Variants in IMMP2L observed in about 807,000 individuals in gnomAD.
The protein encoded by IMMP2L is inner mitochondrial membrane peptidase subunit 2.
IMMP2L carries 18 observed loss-of-function variants against 19.3 expected under a neutral mutation model. That is an observed-to-expected ratio of 0.93 (90% CI 0.64 to 1.38). The LOEUF is 1.38. IMMP2L is among the 40% of genes most tolerant of loss of function. The pLI, the probability that IMMP2L is intolerant of heterozygous loss-of-function variation, is 0.00. For synonymous variants in IMMP2L, 76 were observed against 73.0 expected, an observed-to-expected ratio of 1.04 and a Z score of -0.21; for missense variants, 233 against 218.2, an observed-to-expected ratio of 1.07 and a Z score of -0.43.
At chr7:111,242,898 C>A (rs1175644030) in intron 3 of IMMP2L, among the ~76,000 whole-genome samples, 1 of 152,024 alleles carries the variant, frequency 6.6e-6, no homozygotes, top group Non-Finnish European at 1.5e-5. Flanking sequence ...TATTTAGAAA[C>A]AATTATTGTC....
At chr7:111,436,853 A>G (rs970414212) in intron 3 of IMMP2L, among the ~76,000 whole-genome samples, 2 of 151,862 alleles carry the variant, frequency 1.3e-5, no homozygotes, top group Non-Finnish European at 2.9e-5. Flanking sequence ...GGAAGTTTCC[A>G]GTCATGGCAG....
At chr7:111,403,925 T>C (rs910668894) in intron 3 of IMMP2L, among the ~76,000 whole-genome samples, 1 of 152,108 alleles carries the variant, frequency 6.6e-6, no homozygotes, top group African/African-American at 2.4e-5. Context: ...AAGGTTTGTG[T>C]TTATTTTTCT....
chr7:111,387,137 A>G (rs1046658657), intron 3 of IMMP2L, among the ~76,000 whole-genome samples: 3 of 152,176 alleles, frequency 2.0e-5, no homozygotes, highest in Admixed American at 1.3e-4. Context: ...TACTGTTTTC[A>G]AAAATGATGA....
chr7:110,717,708 T>C (rs186593424), intron 5 of IMMP2L, among the ~76,000 whole-genome samples: 1 of 152,284 alleles, frequency 6.6e-6, no homozygotes, highest in East Asian at 1.9e-4. Flanking sequence ...TGTCCTTGGA[T>C]TAGGCAATTA....
At chr7:110,853,985 CA>C (rs746124804) in intron 5 of IMMP2L, among the ~76,000 whole-genome samples, 4 of 151,844 alleles carry the variant, frequency 2.6e-5, no homozygotes, top group Non-Finnish European at 5.9e-5. Context: ...TCAATTTAGA[CA>C]GAATCATTTT....
intron 3 of IMMP2L, among the ~76,000 whole-genome samples, chr7:111,287,841 C>T (rs1820665807): frequency 6.6e-6 from 1 of 152,154 alleles, no homozygotes; most frequent in African/African-American, 2.4e-5. Context: ...GGACTCCCTT[C>T]TGCATGATGG....
At chr7:110,767,612 A>C (rs1044030793) in intron 5 of IMMP2L, among the ~76,000 whole-genome samples, 1 of 152,164 alleles carries the variant, frequency 6.6e-6, no homozygotes, top group Admixed American at 6.6e-5. Context: ...TCTCTATCTT[A>C]TGCCTATCAA....
rs527936557 is a variant in IMMP2L, at chr7:111,211,062, T to G, written c.240-247497A>C. On this transcript the variant is annotated intron_variant, in intron 3 of 5. Transcript: ENST00000405709. ...TACCAAGTCATTTAATAAATATGTA[T>G]TGAGTCAGTATATAAAACTTTGTGA... 3.3e-5 allele frequency among the ~76,000 whole-genome samples: 5 copies of G among 152,292 alleles called. No homozygotes were observed. The East Asian group carries it at 7.7e-4, about 23-fold the overall frequency.
At chr7:111,251,070 C>T (rs1043472955) in intron 3 of IMMP2L, among the ~76,000 whole-genome samples, 1 of 152,042 alleles carries the variant, frequency 6.6e-6, no homozygotes, top group Non-Finnish European at 1.5e-5. Context: ...CAAACAACCC[C>T]ATTTAAAAGT....
At chr7:111,297,543 C>A (rs1715120746) in intron 3 of IMMP2L, among the ~76,000 whole-genome samples, 1 of 152,056 alleles carries the variant, frequency 6.6e-6, no homozygotes, top group African/African-American at 2.4e-5. Flanking sequence ...TCACAAGACT[C>A]AGGAATTCCA....
At chr7:110,942,034 T>C (rs866758463) in intron 4 of IMMP2L, among the ~76,000 whole-genome samples, 73 of 152,126 alleles carry the variant, frequency 4.8e-4, no homozygotes, top group African/African-American at 1.6e-3. Flanking sequence ...TTGTCAGTTT[T>C]GTTTTAGTGT....
intron 3 of IMMP2L, among the ~76,000 whole-genome samples, chr7:111,370,332 A>G (rs1039003065): frequency 6.6e-6 from 1 of 151,972 alleles, no homozygotes; most frequent in Non-Finnish European, 1.5e-5. Context: ...ATAGTAAATT[A>G]GAGAAATTCC....
intron 4 of IMMP2L, among the ~76,000 whole-genome samples, chr7:110,947,148 T>C (rs1316686731): frequency 6.6e-6 from 1 of 152,204 alleles, no homozygotes; most frequent in Non-Finnish European, 1.5e-5. Flanking sequence ...CAATAAGAAT[T>C]TTTTTCACCT....
rs71147477 is a variant in IMMP2L at position 111,485,597 on chromosome 7, C to CAAAAAA, written c.239+1635_239+1640dup. ...TGCGCAACAGAGCGAGACTCTGTTTCAAAAAAAAAAAAAAAAAAAAAAAAA... is the reference window on the plus strand; with the variant it reads ...TGCGCAACAGAGCGAGACTCTGTTTCAAAAAAAAAAAAAAAAAAAAAAAAAAAAAAA... On this transcript the variant is annotated intron_variant, in intron 3 of 5. Transcript: ENST00000405709. 2.4e-3 allele frequency among the ~76,000 whole-genome samples: 120 copies of CAAAAAA among 50,562 alleles called. 32 individuals are homozygous for CAAAAAA. The highest frequency in any genetic ancestry group is 2.9e-3 in the African/African-American group (34 of 11,680). The allele number at this position is 50,562 out of a possible 152,430, so 33.2% of individuals were successfully genotyped here.
At chr7:111,529,265 T>G (rs1469756505) in intron 1 of IMMP2L, among the ~76,000 whole-genome samples, 1 of 152,132 alleles carries the variant, frequency 6.6e-6, no homozygotes, top group African/African-American at 2.4e-5. Context: ...AGCCTAAGCA[T>G]GTGAAAAATC....
chr7:111,208,709 T>A (rs555477753), intron 3 of IMMP2L, among the ~76,000 whole-genome samples: 1 of 152,164 alleles, frequency 6.6e-6, no homozygotes, highest in Non-Finnish European at 1.5e-5. Flanking sequence ...AGGCTGGGCA[T>A]AGAATACACA....
At chr7:110,821,412 T>C (rs907797765) in intron 5 of IMMP2L, among the ~76,000 whole-genome samples, 10 of 152,190 alleles carry the variant, frequency 6.6e-5, no homozygotes, top group African/African-American at 2.4e-4. Flanking sequence ...CAATCTTTAA[T>C]TGCTAAACAT....
intron 3 of IMMP2L, among the ~76,000 whole-genome samples, chr7:110,971,524 C>G (rs564955788): frequency 1.0e-3 from 157 of 152,128 alleles, no homozygotes; most frequent in African/African-American, 3.7e-3. Context: ...CAGGGTCCCT[C>G]CCCTGATGCC....
At chr7:111,343,990 C>A (rs1278040659) in intron 3 of IMMP2L, among the ~76,000 whole-genome samples, 1 of 152,096 alleles carries the variant, frequency 6.6e-6, no homozygotes, top group African/African-American at 2.4e-5. Context: ...TATGAACCTG[C>A]AAAGGGATAT....
Sources: gnomAD v4.1 joint callset for allele counts (sites outside exome capture counted in the v4.1 genomes callset) on GRCh38, gnomAD v4.1.1 for gene constraint, MANE v1.5 for transcripts, NCBI Gene and HGNC (gene_info 2026-07-23, HGNC 2026-07-21) for gene names.